Variants in PA2G4 observed in about 807,000 individuals in gnomAD.
PA2G4 encodes proliferation-associated 2G4, also known as proliferation-associated protein 2G4.
Under a neutral mutation model 53.3 loss-of-function variants are expected in PA2G4, and 8 were observed. That is an observed-to-expected ratio of 0.15 (90% CI 0.09 to 0.27). The LOEUF is 0.27. Among genes scored for constraint, PA2G4 ranks in the 10% least tolerant of loss-of-function variants. The pLI is 1.00. For missense variants in PA2G4, 208 were observed against 486.8 expected (o/e 0.43, Z 5.39); for synonymous variants, 143 against 169.8 (o/e 0.84, Z 1.23).
In PA2G4 at chr12:56,113,707, C is replaced by T. The variant is rs79005435; in HGVS notation, c.*819C>T. The T allele has an allele frequency of 2.0e-5, 13 of 635,180 alleles. No individual in the cohort carries two copies. Among genetic ancestry groups the T allele is most frequent in the Admixed American group, 1.0e-4 (4 of 38,886 alleles). 39.3% of individuals were successfully genotyped at this position (635,180 alleles called of 1,614,324 possible). A position where few individuals can be genotyped will look rare whatever the true frequency, so the allele number is the denominator to read the frequency against. ...TGAAAGAAAAACCAAGAACCAGAGGCGTAGACTGACTGAAGACACAACTCC... is the reference window on the plus strand; with the variant it reads ...TGAAAGAAAAACCAAGAACCAGAGGTGTAGACTGACTGAAGACACAACTCC... On this transcript the variant is annotated 3_prime_UTR_variant, in exon 13 of 13. Coordinates refer to ENST00000303305, the MANE Select transcript of PA2G4 (RefSeq NM_006191.3).
At chr12:56,105,194 A>G (rs1869271960) in intron 1 of PA2G4, 1 of 488,892 alleles carries the variant, frequency 2.0e-6, no homozygotes, top group East Asian at 5.8e-5. Context: ...GGAAGCGCCC[A>G]GCTATTGGCG....
intron 6 of PA2G4, among the ~76,000 whole-genome samples, chr12:56,109,572 A>G (rs1869374952): frequency 1.4e-5 from 2 of 147,846 alleles, no homozygotes; most frequent in South Asian, 4.2e-4. Context: ...GTGAGCCAAG[A>G]TTGCGCCACT....
intron 9 of PA2G4, 87 bp downstream of exon 9, chr12:56,110,779 C>T (rs1215363339): frequency 2.0e-6 from 3 of 1,526,958 alleles, no homozygotes; most frequent in Admixed American, 3.4e-5. Context: ...CCTGCCTAGA[C>T]TTGTAGCGTG....
chr12:56,111,256 T>C lies in PA2G4; in HGVS notation c.1012T>C (p.Phe338Leu). ...CCCCATGCGGATAACCAGTGGTCCC[T>C]TCGAGCCTGACCTCTACAAGTCTGA... ...NGPMRITSGP[F>L]EPDLYKSEME... The change falls in exon 11 of 13, where the codon TTC becomes CTC. Residue 338 changes from phenylalanine (F) to leucine (L), a missense_variant. By Grantham distance (22) the Phe-to-Leu change is conservative. Around this residue, in one of 3 missense-constraint regions of PA2G4, gnomAD observed 50 missense variants for 82.3 expected, o/e 0.61. Coordinates refer to ENST00000303305, the MANE Select transcript of PA2G4 (RefSeq NM_006191.3). 1 of 1,614,140 alleles carries C rather than the reference T, an allele frequency of 6.2e-7. No individual in the cohort carries two copies.
At position 56,104,742 on chromosome 12, in the gene PA2G4, C is replaced by A; in HGVS notation, c.5C>A (p.Ser2Ter). The A allele has an allele frequency of 6.2e-7, 1 of 1,613,674 alleles. No homozygotes were observed. The highest frequency in any genetic ancestry group is 8.5e-7 in the Non-Finnish European group (1 of 1,179,840). Residue 2 changes from serine (S) to a stop codon, truncating the protein, a stop_gained, in exon 1 of 13, where the codon TCG becomes TAG. Coordinates refer to ENST00000303305, the MANE Select transcript of PA2G4 (RefSeq NM_006191.3). LOFTEE classifies it high-confidence loss of function. M[S>*]GEDEQQEQTI... ...TGCAGTGGTGGTAGTAGGAAGATGT[C>A]GGGCGAGGACGAGCAACAGGAGCAA...
rs777291456 is a variant in PA2G4 at position 56,111,298 on chromosome 12, G to C, written c.1054G>C (p.Ala352Pro). The C allele has an allele frequency of 1.9e-6, 3 of 1,614,186 alleles. No homozygotes were observed. Among genetic ancestry groups the C allele is most frequent in the Admixed American group, 3.3e-5 (2 of 60,018 alleles). Residue 352 changes from alanine (A) to proline (P), a missense_variant, in exon 11 of 13, where the codon GCA (alanine) becomes CCA (proline). Physicochemically the swap from Ala to Pro is conservative, Grantham distance 27. Coordinates refer to ENST00000303305, the MANE Select transcript of PA2G4 (RefSeq NM_006191.3). ...CAAGTCTGAGATGGAGGTCCAGGAT[G>C]CAGAGCTAAAGGTTAGTATGGAATA... ...LYKSEMEVQD[A>P]ELKALLQSSA...
At chr12:56,107,449 G>T in intron 4 of PA2G4, 72 bp from the exon 5 acceptor site, 1 of 1,175,116 alleles carries the variant, frequency 8.5e-7, no homozygotes. Flanking sequence ...TGGGCTCACA[G>T]ATATTAACCA....
intron 4 of PA2G4, 111 bp from the exon 5 acceptor site, chr12:56,107,410 C>G: frequency 2.0e-6 from 2 of 992,286 alleles, no homozygotes; most frequent in Non-Finnish European, 3.2e-6. Context: ...TTGTTTTTAC[C>G]CTCCTGTTCA....
Position 56,113,557 on chromosome 12 carries a change from C to G in PA2G4, c.*669C>G. 2.7e-6 allele frequency: 1 copy of G among 373,586 alleles called. No individual in the cohort carries two copies. Among genetic ancestry groups the G allele is most frequent in the Non-Finnish European group, 4.8e-6 (1 of 209,628 alleles). The allele number at this position is 373,586 out of a possible 1,614,324, so 23.1% of individuals were successfully genotyped here. A position where few individuals can be genotyped will look rare whatever the true frequency, so the allele number is the denominator to read the frequency against. ...TTTCACAAAGCTGTAAAGAAATAAT[C>G]CATCTCAACCTTACCCTTTTTCTCT... is the stretch of plus-strand genomic sequence containing the variant. On this transcript the variant is annotated 3_prime_UTR_variant, in exon 13 of 13. Coordinates refer to ENST00000303305, the MANE Select transcript of PA2G4 (RefSeq NM_006191.3).
At position 56,112,804 on chromosome 12, in the gene PA2G4, C is replaced by T; in HGVS notation, c.1120-19C>T. ...TTAGAAACTGACAGGTCTTCTCCCT[C>T]TCCTTTTCTTGCATATAGGCCTCCA... is the stretch of plus-strand genomic sequence containing the variant. On this transcript the variant is annotated intron_variant, in intron 12 of 12. Coordinates refer to ENST00000303305, the MANE Select transcript of PA2G4 (RefSeq NM_006191.3). 6.5e-7 allele frequency: 1 copy of T among 1,546,772 alleles called. No homozygotes were observed. Among genetic ancestry groups the T allele is most frequent in the African/African-American group, 1.4e-5 (1 of 71,426 alleles).
intron 9 of PA2G4, 99 bp from the exon 10 acceptor site, chr12:56,110,865 G>T: frequency 7.3e-7 from 1 of 1,367,388 alleles, no homozygotes; most frequent in South Asian, 1.2e-5. Context: ...TCCTAAGCAT[G>T]ATTTCTGCCT....
chr12:56,104,720 A>C lies in PA2G4; in HGVS notation c.-18A>C. 6.2e-7 allele frequency: 1 copy of C among 1,609,890 alleles called. No homozygotes were observed. The highest frequency in any genetic ancestry group is 1.1e-5 in the South Asian group (1 of 90,972). On this transcript the variant is annotated 5_prime_UTR_variant, in exon 1 of 13. Coordinates refer to ENST00000303305, the MANE Select transcript of PA2G4 (RefSeq NM_006191.3). ...GGCGGCTCAGGGGAAACGAGGCTGC[A>C]GTGGTGGTAGTAGGAAGATGTCGGG...
intron 1 of PA2G4, among the ~76,000 whole-genome samples, chr12:56,105,321 A>ACACCAGCTTCCCCAC (rs904751634): frequency 2.0e-5 from 3 of 152,048 alleles, no homozygotes; most frequent in East Asian, 1.9e-4. Flanking sequence ...AGTGTCCCTG[A>ACACCAGCTTCCCCAC]CACCAGCTTC....
At chr12:56,111,424 T>C in intron 11 of PA2G4, 52 bp from the exon 12 acceptor site, 1 of 1,608,704 alleles carries the variant, frequency 6.2e-7, no homozygotes, top group Non-Finnish European at 8.5e-7. Flanking sequence ...CCCTTTATTT[T>C]TAATTTCCTC....
chr12:56,105,125 T>A, intron 1 of PA2G4: 1 of 642,084 alleles, frequency 1.6e-6, no homozygotes, highest in Non-Finnish European at 2.9e-6. Flanking sequence ...CTTGTTCCTA[T>A]CCTTCATTCC....
In PA2G4 at chr12:56,112,977, T is replaced by G; in HGVS notation, c.*89T>G. On this transcript the variant is annotated 3_prime_UTR_variant, in exon 13 of 13. Coordinates refer to ENST00000303305, the MANE Select transcript of PA2G4 (RefSeq NM_006191.3). ...CTGTGAAGTGCAGTTCTTCTCCACC[T>G]AGGACCGCCAGCAGAGCGGGGGGAT... 1 of 846,904 alleles carries G rather than the reference T, an allele frequency of 1.2e-6. No individual in the cohort carries two copies. The highest frequency in any genetic ancestry group is 1.8e-6 in the Non-Finnish European group (1 of 558,542). The allele number at this position is 846,904 out of a possible 1,614,324, so 52.5% of individuals were successfully genotyped here.
At position 56,106,206 on chromosome 12, in the gene PA2G4, G is replaced by A. The variant is rs1869297171; in HGVS notation, c.89-382G>A. Reference sequence around the variant, plus strand: ...CACCTAATTAGAGTGTCTGAGAAAGGAATGCGGTAACATTTAACAGTGCAT... The same window carrying A: ...CACCTAATTAGAGTGTCTGAGAAAGAAATGCGGTAACATTTAACAGTGCAT... On this transcript the variant is annotated intron_variant, in intron 1 of 12. Coordinates refer to ENST00000303305, the MANE Select transcript of PA2G4 (RefSeq NM_006191.3). 8 of 161,382 alleles carry A rather than the reference G, an allele frequency of 5.0e-5. No individual in the cohort carries two copies. In the South Asian group the frequency reaches 1.6e-3, roughly 32 times the overall value. The allele number at this position is 161,382 out of a possible 1,614,324, so 10.0% of individuals were successfully genotyped here. A position where few individuals can be genotyped will look rare whatever the true frequency, so the allele number is the denominator to read the frequency against.
At chr12:56,107,755 A>T in intron 5 of PA2G4, 142 bp downstream of exon 5, 1 of 598,824 alleles carries the variant, frequency 1.7e-6, no homozygotes, top group Middle Eastern at 2.6e-4. Context: ...TTAGCTGGGC[A>T]CAGTGACTCA....
chr12:56,107,176 T>C lies in PA2G4; in HGVS notation c.324-11T>C. 6.2e-7 allele frequency: 1 copy of C among 1,612,816 alleles called. No individual in the cohort carries two copies. The highest frequency in any genetic ancestry group is 8.5e-7 in the Non-Finnish European group (1 of 1,178,740). On this transcript the variant is annotated splice_polypyrimidine_tract_variant and intron_variant, in intron 3 of 12. Transcript: ENST00000303305. ...CAGTTCCTAATGCAGTACTCTGATCTTGCCTTTCAGTGACCTTGGGGTCCA... is the reference window on the plus strand; with the variant it reads ...CAGTTCCTAATGCAGTACTCTGATCCTGCCTTTCAGTGACCTTGGGGTCCA...
Sources: gnomAD v4.1 joint callset for allele counts (sites outside exome capture counted in the v4.1 genomes callset) on GRCh38, gnomAD v4.1.1 for gene constraint, gnomAD v4.1.1 regional missense constraint, MANE v1.5 for transcripts, NCBI Gene and HGNC (gene_info 2026-07-23, HGNC 2026-07-21) for gene names.